The following PTPRD variants were observed in gnomAD, a reference collection of about 807,000 sequenced individuals.
PTPRD encodes the protein receptor-type tyrosine-protein phosphatase delta.
Under a neutral mutation model 214.5 loss-of-function variants are expected in PTPRD, and 34 were observed. The observed-to-expected ratio is 0.16, with a 90% CI of 0.12 to 0.21. The LOEUF (loss-of-function observed/expected upper bound fraction) is 0.21, where lower values mean the gene tolerates loss of function less well. PTPRD is among the 10% of genes least tolerant of loss of function. PTPRD has a pLI of 1.00. For missense variants in PTPRD, 2,545 were observed against 2,398.7 expected (o/e 1.06, Z -1.27); for synonymous variants, 1,128 against 845.7 (o/e 1.33, Z -5.79).
chr9:9,388,031 T>C (rs1360383901), intron 9 of PTPRD, among the ~76,000 whole-genome samples: 1 of 152,052 alleles, frequency 6.6e-6, no homozygotes, highest in African/African-American at 2.4e-5. Flanking sequence ...CTTGCCTTGC[T>C]GTACTGGAAG....
chr9:10,424,542 T>A (rs545738235), intron 2 of PTPRD, among the ~76,000 whole-genome samples: 1 of 152,072 alleles, frequency 6.6e-6, no homozygotes, highest in South Asian at 2.1e-4. Context: ...GAAAGTATCA[T>A]GTGGATGCTC....
intron 11 of PTPRD, among the ~76,000 whole-genome samples, chr9:8,804,199 C>T (rs746635160): frequency 3.3e-5 from 5 of 152,016 alleles, no homozygotes; most frequent in Non-Finnish European, 5.9e-5. Context: ...GTGATCCATC[C>T]GCCTCAGCCT....
chr9:8,338,559 G>C (rs564905570), intron 43 of PTPRD, among the ~76,000 whole-genome samples: 1 of 152,046 alleles, frequency 6.6e-6, no homozygotes, highest in Non-Finnish European at 1.5e-5. Flanking sequence ...CATATTTAGA[G>C]CCTCAAGTAA....
intron 7 of PTPRD, among the ~76,000 whole-genome samples, chr9:9,707,940 T>C (rs2097655783): frequency 6.6e-6 from 1 of 152,010 alleles, no homozygotes; most frequent in Admixed American, 6.6e-5. Flanking sequence ...CTCATAGACA[T>C]ATACCTAGCA....
intron 4 of PTPRD, among the ~76,000 whole-genome samples, chr9:9,957,416 A>G (rs1044940068): frequency 3.3e-5 from 5 of 152,142 alleles, no homozygotes; most frequent in Non-Finnish European, 5.9e-5. Flanking sequence ...AATGTTTCAA[A>G]GGAAAAAACA....
chr9:9,524,429 T>C (rs2073516706), intron 8 of PTPRD, among the ~76,000 whole-genome samples: 1 of 152,204 alleles, frequency 6.6e-6, no homozygotes, highest in Admixed American at 6.5e-5. Flanking sequence ...TTCCTAAAGA[T>C]TTATTGCTTA....
At chr9:9,186,152 T>A (rs954121745) in intron 9 of PTPRD, among the ~76,000 whole-genome samples, 1 of 152,020 alleles carries the variant, frequency 6.6e-6, no homozygotes, top group Non-Finnish European at 1.5e-5. Context: ...CAGAAGAAAA[T>A]GGATTTTCAG....
intron 14 of PTPRD, among the ~76,000 whole-genome samples, chr9:8,612,947 C>T (rs147789527): frequency 1.5e-3 from 222 of 152,136 alleles, no homozygotes; most frequent in African/African-American, 5.2e-3. Flanking sequence ...TACTACCGTG[C>T]CTTCAGACTG....
At chr9:10,266,919 G>T (rs757919744) in intron 3 of PTPRD, among the ~76,000 whole-genome samples, 1 of 151,974 alleles carries the variant, frequency 6.6e-6, no homozygotes, top group Non-Finnish European at 1.5e-5. Flanking sequence ...GGTTGGGCAT[G>T]GTGGCTCACA....
Position 8,784,552 on chromosome 9 carries a change from G to A in PTPRD, c.-103-50606C>T, listed in dbSNP as rs146801066. On this transcript the variant is annotated intron_variant, in intron 11 of 45. Coordinates refer to ENST00000381196, the MANE Select transcript of PTPRD (RefSeq NM_002839.4). Reference sequence around the variant, plus strand: ...AGCAAAATCCTTTTAAACAGAATCTGGTTTTATTGCATTTTTCTTTTAATT... The same window carrying A: ...AGCAAAATCCTTTTAAACAGAATCTAGTTTTATTGCATTTTTCTTTTAATT... Among the ~76,000 whole-genome samples, 550 of 152,172 alleles carry A rather than the reference G, an allele frequency of 3.6e-3. 2 individuals carry two copies. The highest frequency in any genetic ancestry group is 0.012 in the African/African-American group (487 of 41,522).
At chr9:9,372,859 C>T (rs2059890783) in intron 9 of PTPRD, among the ~76,000 whole-genome samples, 1 of 152,064 alleles carries the variant, frequency 6.6e-6, no homozygotes, top group Admixed American at 6.6e-5. Flanking sequence ...TTTTATTTCT[C>T]CTTCACTTAT....
At chr9:10,465,235 T>G (rs1019623859) in intron 2 of PTPRD, among the ~76,000 whole-genome samples, 1 of 152,208 alleles carries the variant, frequency 6.6e-6, no homozygotes, top group Non-Finnish European at 1.5e-5. Flanking sequence ...AGACATTTGT[T>G]TGCTTATAAC....
intron 10 of PTPRD, among the ~76,000 whole-genome samples, chr9:9,073,597 T>C (rs2099746930): frequency 6.6e-6 from 1 of 152,198 alleles, no homozygotes; most frequent in Admixed American, 6.5e-5. Flanking sequence ...AAATTTTACC[T>C]GCAGACTGCA....
intron 8 of PTPRD, among the ~76,000 whole-genome samples, chr9:9,553,392 A>C (rs906405430): frequency 5.3e-5 from 8 of 152,086 alleles, no homozygotes; most frequent in Admixed American, 5.2e-4. Context: ...CTAATCACTT[A>C]ATCTCCAGAA....
intron 8 of PTPRD, among the ~76,000 whole-genome samples, chr9:9,450,281 C>G (rs1274675950): frequency 6.6e-6 from 1 of 151,804 alleles, no homozygotes; most frequent in Non-Finnish European, 1.5e-5. Flanking sequence ...GGGCAGATAC[C>G]CAGTAGTGAG....
chr9:10,306,660 C>T (rs184981905), intron 3 of PTPRD, among the ~76,000 whole-genome samples: 7 of 152,078 alleles, frequency 4.6e-5, no homozygotes, highest in Admixed American at 4.6e-4. Context: ...CCCAGTTTTC[C>T]ATAAGTATAT....
At chr9:8,772,625 A>G (rs993174539) in intron 11 of PTPRD, among the ~76,000 whole-genome samples, 1 of 152,136 alleles carries the variant, frequency 6.6e-6, no homozygotes. Flanking sequence ...CCTGGGCAAT[A>G]GAGCAAGACC....
intron 2 of PTPRD, among the ~76,000 whole-genome samples, chr9:10,567,732 T>C (rs1317671875): frequency 6.6e-6 from 1 of 151,804 alleles, no homozygotes; most frequent in Non-Finnish European, 1.5e-5. Flanking sequence ...TAATTATTTG[T>C]CTCTGAATTT....
chr9:8,640,567 A>C (rs569606755), intron 12 of PTPRD, among the ~76,000 whole-genome samples: 6 of 151,168 alleles, frequency 4.0e-5, no homozygotes, highest in South Asian at 4.2e-4. Flanking sequence ...AAAACAAAAA[A>C]AAAAAAAACA....
Sources: allele counts gnomAD v4.1 joint callset (sites outside exome capture counted in the v4.1 genomes callset), GRCh38; gene constraint gnomAD v4.1.1; transcripts MANE v1.5; gene names NCBI Gene and HGNC (gene_info 2026-07-23, HGNC 2026-07-21).